RMC1: variants seen among roughly 807,000 people sequenced by gnomAD.
The protein encoded by RMC1 is regulator of MON1-CCZ1 complex.
RMC1 carries 44 observed loss-of-function variants against 95.5 expected under a neutral mutation model. The ratio of observed to expected loss-of-function variants is 0.46; its 90% confidence interval spans 0.36 to 0.59. RMC1 has a LOEUF of 0.59. Among genes scored for constraint, RMC1 ranks in the 20% least tolerant of loss-of-function variants. RMC1 has a pLI of 0.00. For missense variants in RMC1, 705 were observed against 819.6 expected (o/e 0.86, Z 1.71); for synonymous variants, 320 against 303.6 (o/e 1.05, Z -0.56).
At chr18:23,515,355 C>A (rs1419694843) in intron 5 of RMC1, among the ~76,000 whole-genome samples, 1 of 152,144 alleles carries the variant, frequency 6.6e-6, no homozygotes, top group Non-Finnish European at 1.5e-5. Context: ...ATGCCTGCCT[C>A]TCAGTCGTGG....
chr18:23,530,011 TTTAC>T lies in RMC1; in HGVS notation c.1495-14_1495-11del. 1.9e-6 allele frequency: 3 copies of T among 1,600,364 alleles called. No homozygotes were observed. The highest frequency in any genetic ancestry group is 1.7e-6 in the Non-Finnish European group (2 of 1,167,690). On this transcript the variant is annotated splice_polypyrimidine_tract_variant and intron_variant, in intron 16 of 19. Coordinates refer to ENST00000269221, the MANE Select transcript of RMC1 (RefSeq NM_013326.5). ...ATGATTTGGAAGTGTTCTTTCACTT[TTTAC>T]TTTTGTCCTCAGCATTACCTACATG...
rs1267081634 is a variant in RMC1 at position 23,516,401 on chromosome 18, A to G, written c.631A>G (p.Arg211Gly). ...GTCAACTAAACCCAGCCTTTCCGAA[A>G]GAGACATCGCAATGGCTACCATGTA... The part of the protein sequence containing the change: ...PKSTKPSLSE[R>G]DIAMATIYGQ... Residue 211 changes from arginine to glycine, a missense_variant, in exon 7 of 20, where the codon AGA becomes GGA. Coordinates refer to ENST00000269221, the MANE Select transcript of RMC1 (RefSeq NM_013326.5). 3 of 1,614,244 alleles carry G rather than the reference A, an allele frequency of 1.9e-6. No individual in the cohort carries two copies. Among genetic ancestry groups the G allele is most frequent in the Non-Finnish European group, 1.7e-6 (2 of 1,180,026 alleles).
At chr18:23,530,686 C>T (rs1255077435) in intron 19 of RMC1, 74 bp downstream of exon 19, 7 of 1,426,332 alleles carry the variant, frequency 4.9e-6, no homozygotes, top group African/African-American at 2.9e-5. Flanking sequence ...AGCTGGTGGG[C>T]GAGGACCCTG....
In RMC1 at chr18:23,519,099, G is replaced by C; in HGVS notation, c.774G>C (p.Leu258Phe). ...GTGCCTGTAAAAAGATGCACATATTGAAGTTAAATAGGACGGGAAAGTTTG... is the reference window on the plus strand; with the variant it reads ...GTGCCTGTAAAAAGATGCACATATTCAAGTTAAATAGGACGGGAAAGTTTG... ...REGACKKMHI[L>F]KLNRTGKFAL... Residue 258 changes from leucine to phenylalanine, a missense_variant, in exon 9 of 20, where the codon TTG becomes TTC. By Grantham distance (22) the Leu-to-Phe change is conservative. Coordinates refer to ENST00000269221, the MANE Select transcript of RMC1 (RefSeq NM_013326.5). 6.2e-7 allele frequency: 1 copy of C among 1,614,166 alleles called. No homozygotes were observed. The highest frequency in any genetic ancestry group is 1.1e-5 in the South Asian group (1 of 91,086).
chr18:23,531,149 C>T (rs2058490001), intron 19 of RMC1, among the ~76,000 whole-genome samples: 1 of 152,070 alleles, frequency 6.6e-6, no homozygotes, highest in Non-Finnish European at 1.5e-5. Flanking sequence ...TGCCACCACA[C>T]CCGGCTGATT....
intron 5 of RMC1, among the ~76,000 whole-genome samples, chr18:23,515,177 A>C (rs1330289424): frequency 3.9e-5 from 6 of 152,122 alleles, no homozygotes; most frequent in Non-Finnish European, 4.4e-5. Context: ...AATTTGTTGT[A>C]AATTGCTCTT....
chr18:23,529,414 T>A (rs2058415845), intron 15 of RMC1, 116 bp downstream of exon 15: 3 of 1,444,808 alleles, frequency 2.1e-6, no homozygotes, highest in Non-Finnish European at 2.7e-6. Context: ...ATCACTGGAG[T>A]TTCCTTGGGT....
intron 6 of RMC1, 60 bp downstream of exon 6, chr18:23,516,056 C>T (rs2057994838): frequency 1.2e-6 from 2 of 1,608,408 alleles, no homozygotes; most frequent in Non-Finnish European, 8.5e-7. Flanking sequence ...GTTCCTGTAG[C>T]ATCCTAATGT....
chr18:23,504,230 A>T (rs2057659641), intron 1 of RMC1, 141 bp from the exon 2 acceptor site: 1 of 669,596 alleles, frequency 1.5e-6, no homozygotes. Context: ...GAGCAGCCAA[A>T]CATCTGTACC....
intron 4 of RMC1, 113 bp downstream of exon 4, chr18:23,508,154 C>A: frequency 2.1e-6 from 2 of 932,164 alleles, no homozygotes; most frequent in Non-Finnish European, 3.1e-6. Flanking sequence ...GTCAGACTGT[C>A]CCTCATGTTG....
rs75000748 is a variant in RMC1, at chr18:23,506,166, CA to C, written c.180-787del. The C allele has an allele frequency of 8.3e-3, 557 of 67,100 alleles. 1 individual carries two copies. The highest frequency in any genetic ancestry group is 0.028 in the East Asian group (64 of 2,304). The allele number at this position is 67,100 out of a possible 1,614,324, so 4.2% of individuals were successfully genotyped here. A position where few individuals can be genotyped will look rare whatever the true frequency, so the allele number is the denominator to read the frequency against. ...TGGGCAACAGAGCAAGACTCCGTCT[CA>C]AAAAAAAAAAAAAAAAGATTTTTAA... On this transcript the variant is annotated intron_variant, in intron 2 of 19. Coordinates refer to ENST00000269221, the MANE Select transcript of RMC1 (RefSeq NM_013326.5).
At chr18:23,528,849 C>T (rs917408468) in intron 14 of RMC1, 2 of 195,908 alleles carry the variant, frequency 1.0e-5, no homozygotes, top group Non-Finnish European at 1.0e-5. Context: ...GGCTACACCC[C>T]ACAGCTATTG....
chr18:23,526,762 C>A lies in RMC1; in HGVS notation c.1186C>A (p.Gln396Lys). Reference protein sequence around the residue: ...CKMVILSVCSQMLSESDRASL... With the variant: ...CKMVILSVCSKMLSESDRASL... ...GATGGTCATCCTGTCTGTCTGTTCA[C>A]AGAGTAAGTTGAATCCTTCCCCCTT... Residue 396 changes from glutamine (Q) to lysine (K), a missense_variant, in exon 13 of 20, where the codon CAG (glutamine) becomes AAG (lysine). Transcript: ENST00000269221. The A allele has an allele frequency of 6.2e-7, 1 of 1,613,872 alleles. No individual in the cohort carries two copies. Among genetic ancestry groups the A allele is most frequent in the Non-Finnish European group, 8.5e-7 (1 of 1,179,918 alleles).
chr18:23,530,352 TTGCACTGACC>T, intron 18 of RMC1, 25 bp from the exon 19 acceptor site: 1 of 1,614,012 alleles, frequency 6.2e-7, no homozygotes, highest in Non-Finnish European at 8.5e-7. Flanking sequence ...TTCCTGTTGT[TTGCACTGACC>T]TGGACTTCTC....
At position 23,519,250 on chromosome 18, in the gene RMC1, G is replaced by A; in HGVS notation, c.849+76G>A. 3.8e-6 allele frequency: 5 copies of A among 1,304,428 alleles called. No homozygotes were observed. In the South Asian group the frequency reaches 4.8e-5, roughly 13 times the overall value. 80.8% of individuals were successfully genotyped at this position (1,304,428 alleles called of 1,614,324 possible). On this transcript the variant is annotated intron_variant, in intron 9 of 19. Transcript: ENST00000269221. ...TGAAAATTGGTGGCTGGGCACGGTG[G>A]ATCACGCCTGTAATCCCAGCACTTT...
At chr18:23,524,108 C>T (rs1390342476) in intron 10 of RMC1, 22 bp from the exon 11 acceptor site, 1 of 1,613,830 alleles carries the variant, frequency 6.2e-7, no homozygotes, top group Non-Finnish European at 8.5e-7. Context: ...CATCGTTGCA[C>T]TTATGTTTTC....
At chr18:23,516,203 C>A in intron 6 of RMC1, 117 bp from the exon 7 acceptor site, 1 of 1,359,506 alleles carries the variant, frequency 7.4e-7, no homozygotes, top group East Asian at 2.3e-5. Flanking sequence ...ACATGGGGGA[C>A]GGTGGAAAGG....
Position 23,505,299 on chromosome 18 carries a change from C to T in RMC1, c.179+852C>T, listed in dbSNP as rs1188086093. ...TGGTTTCGAACTCCTGACCTCAAAA[C>T]GATCCGCCCGCCTCAGACTCCCACA... On this transcript the variant is annotated intron_variant, in intron 2 of 19. Coordinates refer to ENST00000269221, the MANE Select transcript of RMC1 (RefSeq NM_013326.5). Among the ~76,000 whole-genome samples, 3 of 152,104 alleles carry T rather than the reference C, an allele frequency of 2.0e-5. No homozygotes were observed. The East Asian group carries it at 5.8e-4, about 29-fold the overall frequency.
intron 19 of RMC1, among the ~76,000 whole-genome samples, chr18:23,531,093 C>T (rs763713038): frequency 1.3e-5 from 2 of 151,958 alleles, no homozygotes; most frequent in African/African-American, 4.8e-5. Context: ...TGGGTTCAAG[C>T]GATTCTTCTG....
Sources: gnomAD v4.1 joint callset for allele counts (sites outside exome capture counted in the v4.1 genomes callset) on GRCh38, gnomAD v4.1.1 for gene constraint, MANE v1.5 for transcripts, NCBI Gene and HGNC (gene_info 2026-07-23, HGNC 2026-07-21) for gene names.